Variants in PPP1R12B observed in about 807,000 individuals in gnomAD.
The protein encoded by PPP1R12B is protein phosphatase 1 regulatory subunit 12B, also known as myosin phosphatase target subunit 2.
A neutral mutation model predicts 126.1 loss-of-function variants in PPP1R12B; 76 were observed. The observed-to-expected ratio is 0.60, with a 90% confidence interval of 0.50 to 0.73. PPP1R12B has a LOEUF of 0.73. PPP1R12B is among the 30% of genes least tolerant of loss of function. PPP1R12B has a pLI of 0.00. For missense variants in PPP1R12B, 1,052 were observed against 1,205.1 expected, an observed-to-expected ratio of 0.87 and a Z score of 1.88; for synonymous variants, 356 against 434.7, an observed-to-expected ratio of 0.82 and a Z score of 2.25.
chr1:202,485,283 T>C (rs1378095377), intron 13 of PPP1R12B, among the ~76,000 whole-genome samples: 2 of 151,960 alleles, frequency 1.3e-5, no homozygotes, highest in African/African-American at 2.4e-5. Flanking sequence ...TGTGTGAACA[T>C]GATAGAGTGA....
chr1:202,545,997 A>T (rs983716390), intron 18 of PPP1R12B, among the ~76,000 whole-genome samples: 3 of 152,208 alleles, frequency 2.0e-5, no homozygotes, highest in African/African-American at 7.2e-5. Flanking sequence ...GAATAAAGGA[A>T]TGAAGATTTG....
intron 1 of PPP1R12B, among the ~76,000 whole-genome samples, chr1:202,354,378 G>A (rs10800831): frequency 0.41 from 62,381 of 151,970 alleles, 14,778 homozygotes; most frequent in East Asian, 0.7. Flanking sequence ...TGAGACCAGC[G>A]TGGGCAACAT....
In PPP1R12B at chr1:202,586,981, TTTTA is replaced by T. The variant is rs1689852691; in HGVS notation, c.*6428_*6431del. ...TTACAAATGAAAACTCAGAAACCAA[TTTTA>T]TTTATTAAATCATATCTTTTGTTTT... On this transcript the variant is annotated 3_prime_UTR_variant, in exon 24 of 24. Coordinates refer to ENST00000608999, the MANE Select transcript of PPP1R12B (RefSeq NM_002481.4). The T allele has an allele frequency of 6.6e-6, 1 of 152,350 alleles. No individual in the cohort carries two copies. Among genetic ancestry groups the T allele is most frequent in the South Asian group, 2.1e-4 (1 of 4,830 alleles). 9.4% of individuals were successfully genotyped at this position (152,350 alleles called of 1,614,324 possible). A position where few individuals can be genotyped will look rare whatever the true frequency, so the allele number is the denominator to read the frequency against.
chr1:202,572,999 T>G (rs1005320811), intron 23 of PPP1R12B, among the ~76,000 whole-genome samples: 1 of 152,236 alleles, frequency 6.6e-6, no homozygotes, highest in African/African-American at 2.4e-5. Flanking sequence ...CTTGTCAGAT[T>G]GAGTCACTTT....
intron 13 of PPP1R12B, among the ~76,000 whole-genome samples, chr1:202,469,267 A>G (rs949425172): frequency 2.0e-5 from 3 of 152,202 alleles, no homozygotes; most frequent in Non-Finnish European, 4.4e-5. Context: ...TATAATCTAC[A>G]GTTTAGTATA....
chr1:202,418,667 C>T (rs753181622), intron 2 of PPP1R12B, among the ~76,000 whole-genome samples: 14 of 152,146 alleles, frequency 9.2e-5, no homozygotes, highest in Non-Finnish European at 2.1e-4. Context: ...GAGAGGTGAT[C>T]TAGACCAGAA....
intron 18 of PPP1R12B, among the ~76,000 whole-genome samples, chr1:202,511,512 C>A (rs1318967267): frequency 6.6e-6 from 1 of 152,028 alleles, no homozygotes; most frequent in Admixed American, 6.6e-5. Context: ...CCACCGTGCC[C>A]GGCATATGTA....
chr1:202,470,970 T>G (rs61821726), intron 13 of PPP1R12B, among the ~76,000 whole-genome samples: 1 of 151,972 alleles, frequency 6.6e-6, no homozygotes, highest in Non-Finnish European at 1.5e-5. Context: ...CTCCATCTTC[T>G]GGTCTGATCA....
intron 1 of PPP1R12B, among the ~76,000 whole-genome samples, chr1:202,374,070 C>G (rs182602877): frequency 3.8e-4 from 58 of 152,286 alleles, no homozygotes; most frequent in South Asian, 2.1e-3. Flanking sequence ...CAGTTATCAG[C>G]TGTAGCTTTA....
At position 202,475,098 on chromosome 1, in the gene PPP1R12B, T is replaced by C. The variant is rs191543292; in HGVS notation, c.1851-13435T>C. On this transcript the variant is annotated intron_variant, in intron 13 of 23. Transcript: ENST00000608999. ...AGTTCCAAGAGATTAAGTGATTCTCTTAAGACCAAACAAGTAATTAATGGC... is the reference window on the plus strand; with the variant it reads ...AGTTCCAAGAGATTAAGTGATTCTCCTAAGACCAAACAAGTAATTAATGGC... Among the ~76,000 whole-genome samples the C allele has an allele frequency of 9.5e-4, 145 of 152,326 alleles. 1 individual carries two copies. Among genetic ancestry groups the C allele is most frequent in the Admixed American group, 1.8e-3 (27 of 15,296 alleles).
intron 18 of PPP1R12B, among the ~76,000 whole-genome samples, chr1:202,535,529 G>T (rs551685705): frequency 3.6e-4 from 55 of 152,188 alleles, no homozygotes; most frequent in African/African-American, 1.3e-3. Flanking sequence ...ACTAACATAT[G>T]CAGTTCCTCT....
chr1:202,439,242 A>T, intron 10 of PPP1R12B: 1 of 1,391,136 alleles, frequency 7.2e-7, no homozygotes, highest in Admixed American at 1.7e-5. Context: ...CCATCCAGAC[A>T]ATATCAAGGC....
chr1:202,495,708 C>T, intron 17 of PPP1R12B, 26 bp downstream of exon 17: 4 of 1,574,916 alleles, frequency 2.5e-6, no homozygotes, highest in Non-Finnish European at 3.5e-6. Context: ...TGTGCTGAGG[C>T]ATATCATATT....
At chr1:202,516,238 C>G (rs1204981223) in intron 18 of PPP1R12B, among the ~76,000 whole-genome samples, 1 of 152,064 alleles carries the variant, frequency 6.6e-6, no homozygotes, top group Non-Finnish European at 1.5e-5. Context: ...GAAGAAGAAA[C>G]AAGAGCAGCA....
intron 18 of PPP1R12B, among the ~76,000 whole-genome samples, chr1:202,545,794 C>T (rs1172763260): frequency 6.6e-6 from 1 of 152,094 alleles, no homozygotes; most frequent in Non-Finnish European, 1.5e-5. Flanking sequence ...AAGAAGGAAA[C>T]AGTACATTAC....
intron 18 of PPP1R12B, chr1:202,527,173 GC>G (rs1558334645): frequency 6.6e-6 from 1 of 152,136 alleles, no homozygotes; most frequent in Non-Finnish European, 1.5e-5. Flanking sequence ...AATTCAATAA[GC>G]CTTTTTATTT....
chr1:202,515,989 A>G (rs1682104675), intron 18 of PPP1R12B, among the ~76,000 whole-genome samples: 1 of 152,162 alleles, frequency 6.6e-6, no homozygotes, highest in Admixed American at 6.5e-5. Context: ...AGTTTAATTC[A>G]AGTCCCTCCT....
intron 13 of PPP1R12B, among the ~76,000 whole-genome samples, chr1:202,452,208 G>A (rs113769171): frequency 1.6e-4 from 25 of 152,300 alleles, no homozygotes; most frequent in African/African-American, 5.5e-4. Flanking sequence ...CAGCTGGGAG[G>A]TGGAGGTTGT....
Position 202,496,814 on chromosome 1 carries a change from G to A in PPP1R12B, c.2482G>A (p.Glu828Lys), listed in dbSNP as rs765988782. ...DETDGSEEVK[E>K]TWHERLSRLE... ...AACTGATGGCTCTGAAGAGGTCAAA[G>A]AAACGTGGGTAAGTGACAAGCCAGT... Residue 828 changes from glutamate to lysine, a missense_variant, in exon 18 of 24, where the codon GAA (glutamate) becomes AAA (lysine). Coordinates refer to ENST00000608999, the MANE Select transcript of PPP1R12B (RefSeq NM_002481.4). 3 of 1,612,148 alleles carry A rather than the reference G, an allele frequency of 1.9e-6. No homozygotes were observed. The highest frequency in any genetic ancestry group is 2.5e-6 in the Non-Finnish European group (3 of 1,178,480).
Sources: allele counts gnomAD v4.1 joint callset (sites outside exome capture counted in the v4.1 genomes callset), GRCh38; gene constraint gnomAD v4.1.1; transcripts MANE v1.5; gene names NCBI Gene and HGNC (gene_info 2026-07-23, HGNC 2026-07-21).